Variants in NCOA3 observed in about 807,000 individuals in gnomAD.
NCOA3 encodes nuclear receptor coactivator 3.
NCOA3 carries 51 observed loss-of-function variants against 158.8 expected under a neutral mutation model. The ratio of observed to expected loss-of-function variants is 0.32; its 90% CI spans 0.26 to 0.41. The LOEUF (loss-of-function observed/expected upper bound fraction) is 0.41. NCOA3 is among the 10% of genes least tolerant of loss of function. NCOA3 has a pLI of 1.00. For synonymous variants in NCOA3, 537 were observed against 592.4 expected (o/e 0.91, Z 1.36); for missense variants, 1,510 against 1,746.6 (o/e 0.86, Z 2.41).
intron 17 of NCOA3, among the ~76,000 whole-genome samples, chr20:47,644,084 T>C (rs973181638): frequency 9.9e-5 from 15 of 152,094 alleles, no homozygotes; most frequent in Admixed American, 2.6e-4. Context: ...CTCCTGTGTT[T>C]TTTTTTCTGA....
chr20:47,592,955 CAG>C (rs1299529916), intron 2 of NCOA3, among the ~76,000 whole-genome samples: 5 of 152,060 alleles, frequency 3.3e-5, no homozygotes, highest in Non-Finnish European at 7.4e-5. Flanking sequence ...TTTTTTGAGA[CAG>C]AGTTTTGCTC....
intron 2 of NCOA3, among the ~76,000 whole-genome samples, chr20:47,605,257 C>T (rs2085927065): frequency 6.6e-6 from 1 of 152,012 alleles, no homozygotes; most frequent in African/African-American, 2.4e-5. Context: ...TTTTGGTGTT[C>T]TTTTCTGTAT....
rs573532891 is a variant in NCOA3 at position 47,651,119 on chromosome 20, G to A, written c.3789G>A (p.Gln1263=). ...QQQQQQQQQQ[Q]QQQQQQQQQQ... ...AGCAGCAGCAGCAGCAGCAGCAGCA[G>A]CAACAGCAACAGCAACAGCAACAGC... Residue 1263 remains glutamine (Q), a synonymous_variant, in exon 20 of 23, where the codon CAG becomes CAA. Coordinates refer to ENST00000371998, the MANE Select transcript of NCOA3 (RefSeq NM_181659.3). The A allele has an allele frequency of 2.3e-5, 30 of 1,285,850 alleles. No individual in the cohort carries two copies. The East Asian group carries it at 2.8e-4, about 12-fold the overall frequency. 79.7% of individuals were successfully genotyped at this position (1,285,850 alleles called of 1,614,324 possible).
At chr20:47,528,807 T>C (rs1309672059) in intron 1 of NCOA3, among the ~76,000 whole-genome samples, 1 of 152,228 alleles carries the variant, frequency 6.6e-6, no homozygotes, top group African/African-American at 2.4e-5. Context: ...GAGTTTCGCT[T>C]TTGTTGCCCA....
chr20:47,637,842 G>GAAAA, intron 13 of NCOA3, 59 bp downstream of exon 13: 1 of 1,459,520 alleles, frequency 6.9e-7, no homozygotes. Context: ...CTGCATACCT[G>GAAAA]TAAACACTCT....
rs2086492188 is a variant in NCOA3, at chr20:47,635,267, A to G, written c.1113-55A>G. 4.0e-6 allele frequency: 6 copies of G among 1,486,418 alleles called. No individual in the cohort carries two copies. In the East Asian group the frequency reaches 1.4e-4, roughly 34 times the overall value. The allele number at this position is 1,486,418 out of a possible 1,614,324, so 92.1% of individuals were successfully genotyped here. A position where few individuals can be genotyped will look rare whatever the true frequency, so the allele number is the denominator to read the frequency against. On this transcript the variant is annotated intron_variant, in intron 10 of 22. Coordinates refer to ENST00000371998, the MANE Select transcript of NCOA3 (RefSeq NM_181659.3). Reference sequence around the variant, plus strand: ...TTTATTTTATTTTAAATCTGATTAAAAGCTTTCATGCATGCTTAGAATTTT... The same window carrying G: ...TTTATTTTATTTTAAATCTGATTAAGAGCTTTCATGCATGCTTAGAATTTT...
At position 47,636,689 on chromosome 20, in the gene NCOA3, A is replaced by G. The variant is rs754093473; in HGVS notation, c.2303A>G (p.Gln768Arg). 15 of 1,614,072 alleles carry G rather than the reference A, an allele frequency of 9.3e-6. No homozygotes were observed. Among genetic ancestry groups the G allele is most frequent in the Non-Finnish European group, 1.1e-5 (13 of 1,180,008 alleles). ...GAAGGAGTGGATAATAAAATGAGTC[A>G]GTGCACCAGCTCCACCATTCCTAGC... ...QVEGVDNKMSQCTSSTIPSSS... is the reference protein window; with the variant it reads ...QVEGVDNKMSRCTSSTIPSSS... Residue 768 changes from glutamine (Q) to arginine (R), a missense_variant, in exon 12 of 23, where the codon CAG becomes CGG. Transcript: ENST00000371998.
intron 1 of NCOA3, among the ~76,000 whole-genome samples, chr20:47,517,625 A>G (rs1386784595): frequency 6.6e-6 from 1 of 151,404 alleles, no homozygotes; most frequent in Non-Finnish European, 1.5e-5. Context: ...TAATTTTTGT[A>G]TTTTTAGTAG....
chr20:47,540,090 GTC>G (rs1311433761), intron 1 of NCOA3, among the ~76,000 whole-genome samples: 1 of 152,090 alleles, frequency 6.6e-6, no homozygotes, highest in Non-Finnish European at 1.5e-5. Context: ...CCAGATTGAG[GTC>G]TCTCAGATTT....
intron 1 of NCOA3, among the ~76,000 whole-genome samples, chr20:47,558,232 A>ATTTTTTTTTTTTTT (rs71183263): frequency 2.9e-4 from 16 of 55,536 alleles, no homozygotes; most frequent in African/African-American, 1.0e-3. Flanking sequence ...CTAATTTTGT[A>ATTTTTTTTTTTTTT]TTTTTTTTTT....
intron 1 of NCOA3, among the ~76,000 whole-genome samples, chr20:47,568,120 G>A (rs769971736): frequency 1.8e-4 from 27 of 152,162 alleles, no homozygotes; most frequent in Non-Finnish European, 2.9e-4. Flanking sequence ...TTTTGGCACA[G>A]AAGCTGCATT....
chr20:47,580,139 C>T (rs1044892201), intron 1 of NCOA3, among the ~76,000 whole-genome samples: 1 of 152,148 alleles, frequency 6.6e-6, no homozygotes, highest in Non-Finnish European at 1.5e-5. Context: ...GCAGGGTCAG[C>T]ATTCCTTTGA....
At chr20:47,509,955 T>G (rs1015988852) in intron 1 of NCOA3, among the ~76,000 whole-genome samples, 45 of 152,198 alleles carry the variant, frequency 3.0e-4, no homozygotes, top group African/African-American at 8.9e-4. Flanking sequence ...AGTAGTTGAC[T>G]ACATATAGGA....
rs4810648 is a variant in NCOA3 at position 47,639,206 on chromosome 20, C to T, written c.2707+4C>T. On this transcript the variant is annotated splice_donor_region_variant and intron_variant, in intron 14 of 22. Coordinates refer to ENST00000371998, the MANE Select transcript of NCOA3 (RefSeq NM_181659.3). ...GAAAATTATGGCTCAAGTATGGGTA[C>T]GTTATTTCTAATTAGTATGTATGAT... 1,478,610 of 1,603,792 alleles carry T rather than the reference C, an allele frequency of 0.92. 682,435 individuals are homozygous for T. The highest frequency in any genetic ancestry group is 1 in the East Asian group (44,812 of 44,818).
chr20:47,522,016 A>G (rs1028426208), intron 1 of NCOA3, among the ~76,000 whole-genome samples: 4 of 151,702 alleles, frequency 2.6e-5, no homozygotes, highest in African/African-American at 9.7e-5. Context: ...CTTTGCTTCC[A>G]TGAACACATT....
chr20:47,519,072 G>A (rs1195415924), intron 1 of NCOA3, among the ~76,000 whole-genome samples: 1 of 151,222 alleles, frequency 6.6e-6, no homozygotes, highest in Non-Finnish European at 1.5e-5. Flanking sequence ...GGAAGTGGAG[G>A]TTGCAGTGAG....
chr20:47,595,672 G>A (rs1032474100), intron 2 of NCOA3, among the ~76,000 whole-genome samples: 5 of 151,422 alleles, frequency 3.3e-5, no homozygotes, highest in Non-Finnish European at 5.9e-5. Context: ...ATGACATAAG[G>A]CTTTTTTTTT....
At chr20:47,624,472 C>T (rs1469595924) in intron 4 of NCOA3, among the ~76,000 whole-genome samples, 1 of 152,190 alleles carries the variant, frequency 6.6e-6, no homozygotes, top group Non-Finnish European at 1.5e-5. Flanking sequence ...TCTAATGCTA[C>T]TTCTGAGCTG....
At chr20:47,618,348 G>GTTTTTTTTT (rs71183269) in intron 2 of NCOA3, among the ~76,000 whole-genome samples, 5 of 101,374 alleles carry the variant, frequency 4.9e-5, no homozygotes, top group Non-Finnish European at 7.7e-5. Context: ...TTTTCCCTTA[G>GTTTTTTTTT]TTTTTTTTTT....
Sources: allele counts gnomAD v4.1 joint callset (sites outside exome capture counted in the v4.1 genomes callset), GRCh38; gene constraint gnomAD v4.1.1; transcripts MANE v1.5; gene names NCBI Gene and HGNC (gene_info 2026-07-23, HGNC 2026-07-21).